ANKRD17: variants seen among roughly 807,000 people sequenced by gnomAD.
ANKRD17 encodes the protein ankyrin repeat domain 17.
In ANKRD17, 19 loss-of-function variants were observed where a neutral mutation model predicts 229.7. The ratio of observed to expected loss-of-function variants is 0.08; its 90% CI spans 0.06 to 0.12. The LOEUF (loss-of-function observed/expected upper bound fraction) is 0.12, where lower values mean the gene tolerates loss of function less well. Among genes scored for constraint, ANKRD17 ranks in the 10% least tolerant of loss-of-function variants. The probability of loss-of-function intolerance (pLI) is 1.00; values close to 1 mark genes in which losing one functional copy is unlikely to be tolerated. For missense variants in ANKRD17, 2,176 were observed against 3,176.8 expected, an observed-to-expected ratio of 0.68 and a Z score of 7.57; for synonymous variants, 1,112 against 1,146.1, an observed-to-expected ratio of 0.97 and a Z score of 0.60.
chr4:73,200,647 AAAGGCATTT>A (rs1340295731), intron 1 of ANKRD17, among the ~76,000 whole-genome samples: 8 of 152,154 alleles, frequency 5.3e-5, no homozygotes, highest in African/African-American at 1.9e-4. Context: ...ATCTTGACTG[AAAGGCATTT>A]AGTCATTCTA....
intron 8 of ANKRD17, among the ~76,000 whole-genome samples, chr4:73,148,286 T>C (rs1293491493): frequency 2.6e-5 from 4 of 152,236 alleles, no homozygotes; most frequent in Admixed American, 2.0e-4. Flanking sequence ...AGATTACTTC[T>C]AAACTGAAGA....
chr4:73,202,782 T>C (rs1738852177), intron 1 of ANKRD17, among the ~76,000 whole-genome samples: 1 of 152,136 alleles, frequency 6.6e-6, no homozygotes, highest in South Asian at 2.1e-4. Flanking sequence ...CAGCATCTAA[T>C]AAAAATCAGT....
At chr4:73,223,226 A>G in intron 1 of ANKRD17, 1 of 430,254 alleles carries the variant, frequency 2.3e-6, no homozygotes, top group Non-Finnish European at 4.1e-6. Flanking sequence ...CAGAAGCTCT[A>G]TTCCAAAGCA....
chr4:73,110,902 A>G (rs1725235567), intron 24 of ANKRD17, among the ~76,000 whole-genome samples: 1 of 152,188 alleles, frequency 6.6e-6, no homozygotes. Flanking sequence ...AAAATATACA[A>G]CGATATTTAA....
At chr4:73,179,514 A>ATTTTT (rs1474647808) in intron 1 of ANKRD17, among the ~76,000 whole-genome samples, 4 of 65,144 alleles carry the variant, frequency 6.1e-5, no homozygotes, top group East Asian at 5.4e-4. Flanking sequence ...ATATATATAT[A>ATTTTT]TATATTTTTT....
At chr4:73,216,380 T>C (rs1467044872) in intron 1 of ANKRD17, among the ~76,000 whole-genome samples, 1 of 152,160 alleles carries the variant, frequency 6.6e-6, no homozygotes, top group Non-Finnish European at 1.5e-5. Context: ...AAAAAACTTT[T>C]GAGTTCTCAA....
intron 5 of ANKRD17, among the ~76,000 whole-genome samples, chr4:73,154,318 T>C (rs1731362805): frequency 1.3e-5 from 2 of 152,014 alleles, no homozygotes; most frequent in South Asian, 4.1e-4. Context: ...CCTATTCTCC[T>C]TTTCCATTTA....
At chr4:73,081,919 G>T (rs749569251) in intron 30 of ANKRD17, among the ~76,000 whole-genome samples, 1 of 151,928 alleles carries the variant, frequency 6.6e-6, no homozygotes, top group Non-Finnish European at 1.5e-5. Context: ...GCCCAGGTGG[G>T]CAGATCACTT....
intron 16 of ANKRD17, among the ~76,000 whole-genome samples, chr4:73,127,163 C>A (rs1727581318): frequency 6.6e-6 from 1 of 152,006 alleles, no homozygotes; most frequent in Non-Finnish European, 1.5e-5. Flanking sequence ...AGTAGGGTGA[C>A]AAATCTGGGA....
At chr4:73,082,445 T>TCA (rs1481727118) in intron 30 of ANKRD17, among the ~76,000 whole-genome samples, 1 of 151,856 alleles carries the variant, frequency 6.6e-6, no homozygotes, top group Non-Finnish European at 1.5e-5. Flanking sequence ...TAAGCTATGG[T>TCA]CACACACTGC....
chr4:73,085,304 G>A lies in ANKRD17; in HGVS notation c.7104C>T (p.Asn2368=), dbSNP rs1348306622. 3 of 1,614,052 alleles carry A rather than the reference G, an allele frequency of 1.9e-6. No homozygotes were observed. The African/African-American group carries it at 4.0e-5, about 22-fold the overall frequency. Residue 2368 remains asparagine, a synonymous_variant, in exon 30 of 34, where the codon AAC becomes AAT. Transcript: ENST00000358602. ...LGGAPAAANF[N]RQHFSPLSLL... Reference sequence around the variant, plus strand: ...AACTAAGCGGGGAAAAATGTTGTCTGTTAAAGTTAGCAGCTGCGGGTGCTC... The same window carrying A: ...AACTAAGCGGGGAAAAATGTTGTCTATTAAAGTTAGCAGCTGCGGGTGCTC...
At chr4:73,086,919 A>AAAAAAAAAATATATATATATATAT (rs1553911000) in intron 29 of ANKRD17, among the ~76,000 whole-genome samples, 1 of 12,462 alleles carries the variant, frequency 8.0e-5, no homozygotes, top group Non-Finnish European at 1.8e-4. Flanking sequence ...AAAAAAAAAA[A>AAAAAAAAAATATATATATATATAT]ATATATATAT....
At chr4:73,123,000 C>T (rs1726959649) in intron 18 of ANKRD17, among the ~76,000 whole-genome samples, 1 of 151,944 alleles carries the variant, frequency 6.6e-6, no homozygotes, top group Admixed American at 6.6e-5. Context: ...AAAATACTTA[C>T]CTCTTCTATT....
rs1722840906 is a variant in ANKRD17, at chr4:73,092,005, G to A, written c.5623C>T (p.Pro1875Ser). The change falls in exon 29 of 34, where the codon CCT (proline) becomes TCT (serine). Residue 1875 changes from proline (P) to serine (S), a missense_variant. By Grantham distance (74) the Pro-to-Ser change is moderately conservative. Around this residue, in one of 18 missense-constraint regions of ANKRD17, gnomAD observed 142 missense variants for 200.4 expected, o/e 0.71. Coordinates refer to ENST00000358602, the MANE Select transcript of ANKRD17 (RefSeq NM_032217.5). ...TIKNPVNNVR[P>S]GFPVSLPLAY... ...AATGGAAGAGAAACTGGAAAACCAGGCCTCACATTATTCACTGGGTTCTTA... is the reference window on the plus strand; with the variant it reads ...AATGGAAGAGAAACTGGAAAACCAGACCTCACATTATTCACTGGGTTCTTA... 6 of 1,614,222 alleles carry A rather than the reference G, an allele frequency of 3.7e-6. No individual in the cohort carries two copies. The highest frequency in any genetic ancestry group is 5.1e-6 in the Non-Finnish European group (6 of 1,180,038).
intron 24 of ANKRD17, among the ~76,000 whole-genome samples, chr4:73,111,864 C>G (rs1424643448): frequency 6.6e-6 from 1 of 152,084 alleles, no homozygotes; most frequent in Non-Finnish European, 1.5e-5. Flanking sequence ...TACTATATGC[C>G]AGACACTATT....
intron 1 of ANKRD17, among the ~76,000 whole-genome samples, chr4:73,178,556 G>A (rs149662894): frequency 1.1e-3 from 168 of 151,624 alleles, no homozygotes; most frequent in African/African-American, 3.9e-3. Context: ...ATGGCCTTCG[G>A]GTCCATAAGT....
In ANKRD17 at chr4:73,075,133, A is replaced by T. The variant is rs573084338; in HGVS notation, c.*1098T>A. 6.6e-6 allele frequency: 1 copy of T among 152,272 alleles called. No individual in the cohort carries two copies. Among genetic ancestry groups the T allele is most frequent in the East Asian group, 1.9e-4 (1 of 5,190 alleles). 9.4% of individuals were successfully genotyped at this position (152,272 alleles called of 1,614,324 possible). ...GCAGGAAGCCTTTAAAATTGAAAAA[A>T]GAAATAAGATATTTTCCACTAAATT... is the stretch of plus-strand genomic sequence containing the variant. On this transcript the variant is annotated 3_prime_UTR_variant, in exon 34 of 34. Coordinates refer to ENST00000358602, the MANE Select transcript of ANKRD17 (RefSeq NM_032217.5).
intron 14 of ANKRD17, among the ~76,000 whole-genome samples, chr4:73,141,070 T>C (rs187415151): frequency 1.3e-5 from 2 of 152,302 alleles, no homozygotes; most frequent in East Asian, 3.9e-4. Flanking sequence ...CTGGTGAAAA[T>C]ACTTAGCATT....
Position 73,120,144 on chromosome 4 carries a change from G to T in ANKRD17, c.4025+18C>A. ...GTAACACTTGTGTTCATATATGAAG[G>T]GTATGGTAACAACATACCTGCCAAT... On this transcript the variant is annotated intron_variant, in intron 21 of 33. Transcript: ENST00000358602. 13 of 1,610,750 alleles carry T rather than the reference G, an allele frequency of 8.1e-6. No individual in the cohort carries two copies. In the African/African-American group the frequency reaches 1.1e-4, roughly 13 times the overall value.
Sources: allele counts gnomAD v4.1 joint callset (sites outside exome capture counted in the v4.1 genomes callset), GRCh38; gene constraint gnomAD v4.1.1; regional missense constraint gnomAD v4.1.1; transcripts MANE v1.5; gene names NCBI Gene and HGNC (gene_info 2026-07-23, HGNC 2026-07-21).